Variants in CCN5 observed in about 807,000 individuals in gnomAD.
CCN5 encodes CCN family member 5.
CCN5 carries 17 observed loss-of-function variants against 18.7 expected under a neutral mutation model. The observed-to-expected ratio is 0.91, with a 90% confidence interval of 0.62 to 1.36. The LOEUF is 1.36. CCN5 is among the 40% of genes most tolerant of loss of function. The probability of loss-of-function intolerance (pLI) is 0.00; values close to 1 mark genes in which losing one functional copy is unlikely to be tolerated. For missense variants in CCN5, 367 were observed against 342.9 expected (o/e 1.07, Z -0.56); for synonymous variants, 135 against 145.2 (o/e 0.93, Z 0.50).
chr20:44,727,405 T>C lies in CCN5; in HGVS notation c.*98T>C. The C allele has an allele frequency of 1.4e-6, 2 of 1,454,232 alleles. No individual in the cohort carries two copies. Among genetic ancestry groups the C allele is most frequent in the Non-Finnish European group, 1.8e-6 (2 of 1,098,854 alleles). The allele number at this position is 1,454,232 out of a possible 1,614,324, so 90.1% of individuals were successfully genotyped here. ...TGGAAGATGGTCCGTGCCCAGGCCC[T>C]TGGCTGCAGGCAACACTTTAGCTTG... On this transcript the variant is annotated 3_prime_UTR_variant, in exon 4 of 4. Coordinates refer to ENST00000190983, the MANE Select transcript of CCN5 (RefSeq NM_003881.4).
At position 44,727,200 on chromosome 20, in the gene CCN5, G is replaced by A; in HGVS notation, c.646G>A (p.Val216Met). 1.2e-6 allele frequency: 2 copies of A among 1,613,834 alleles called. No homozygotes were observed. Among genetic ancestry groups the A allele is most frequent in the Non-Finnish European group, 8.5e-7 (1 of 1,180,026 alleles). The change falls in exon 4 of 4, where the codon GTG (valine) becomes ATG (methionine). Residue 216 changes from valine (V) to methionine (M), a missense_variant. By Grantham distance (21) the Val-to-Met change is conservative. Transcript: ENST00000190983. ...TTCGLGMATR[V>M]SNQNRFCRLE... ...CTGTGGGCTGGGCATGGCCACCCGG[G>A]TGTCCAACCAGAACCGCTTCTGCCG...
chr20:44,723,107 T>A (rs963300093), intron 2 of CCN5, among the ~76,000 whole-genome samples: 2 of 152,038 alleles, frequency 1.3e-5, no homozygotes, highest in Non-Finnish European at 2.9e-5. Context: ...CTCTCTGACC[T>A]CCTCTCCTCC....
intron 3 of CCN5, 127 bp downstream of exon 3, chr20:44,725,119 C>A: frequency 5.4e-6 from 7 of 1,285,114 alleles, no homozygotes; most frequent in Non-Finnish European, 7.1e-6. Flanking sequence ...CTGGGAGGGG[C>A]GGAGGCTGAG....
At chr20:44,720,152 GC>G (rs1367999196) in intron 2 of CCN5, 39 bp downstream of exon 2, 1 of 1,531,952 alleles carries the variant, frequency 6.5e-7, no homozygotes, top group East Asian at 2.4e-5. Context: ...GCGGGTGTGA[GC>G]GGGAGGTCAA....
intron 3 of CCN5, among the ~76,000 whole-genome samples, chr20:44,726,405 A>ATTGG (rs1431251154): frequency 2.0e-5 from 3 of 152,158 alleles, no homozygotes; most frequent in African/African-American, 7.2e-5. Flanking sequence ...GGGTTTCTCA[A>ATTGG]CGTCAGCACT....
At chr20:44,724,566 C>A in intron 2 of CCN5, 172 bp from the exon 3 acceptor site, 3 of 986,978 alleles carry the variant, frequency 3.0e-6, no homozygotes, top group Non-Finnish European at 4.3e-6. Context: ...ATCCAGGGTG[C>A]CCCAGCAGGC....
intron 1 of CCN5, among the ~76,000 whole-genome samples, chr20:44,718,505 G>A (rs1032892971): frequency 6.6e-6 from 1 of 152,102 alleles, no homozygotes; most frequent in Non-Finnish European, 1.5e-5. Flanking sequence ...CTTCCTTCTT[G>A]GTCCCCACCT....
chr20:44,720,192 C>G, intron 2 of CCN5, 79 bp downstream of exon 2: 1 of 1,424,300 alleles, frequency 7.0e-7, no homozygotes, highest in South Asian at 1.2e-5. Context: ...CAAAGTGCAG[C>G]CCTCCTCTCT....
In CCN5 at chr20:44,724,900, A is replaced by C. The variant is rs778144747; in HGVS notation, c.440A>C (p.His147Pro). The C allele has an allele frequency of 1.3e-6, 2 of 1,593,570 alleles. No homozygotes were observed. Among genetic ancestry groups the C allele is most frequent in the East Asian group, 2.3e-5 (1 of 44,232 alleles). Residue 147 changes from histidine (H) to proline (P), a missense_variant, in exon 3 of 4, where the codon CAC (histidine) becomes CCC (proline). By Grantham distance (77) the His-to-Pro change is moderately conservative (BLOSUM62 -2). Transcript: ENST00000190983. ...CGGCTGCCCAGCTGGGACTGCCCCCACCCCAGGAGGGTCGAGGTCCTGGGC... is the reference window on the plus strand; with the variant it reads ...CGGCTGCCCAGCTGGGACTGCCCCCCCCCCAGGAGGGTCGAGGTCCTGGGC... ...DVRLPSWDCPHPRRVEVLGKC... is the reference protein window; with the variant it reads ...DVRLPSWDCPPPRRVEVLGKC...
At chr20:44,715,554 G>T in intron 1 of CCN5, 104 bp downstream of exon 1, 8 of 1,293,492 alleles carry the variant, frequency 6.2e-6, no homozygotes, top group Non-Finnish European at 8.6e-6. Context: ...ATTCCTCCAG[G>T]GCCCCACATT....
intron 3 of CCN5, among the ~76,000 whole-genome samples, chr20:44,725,224 G>A (rs774167588): frequency 8.6e-5 from 13 of 151,926 alleles, no homozygotes; most frequent in Non-Finnish European, 1.8e-4. Context: ...GATCACCTGA[G>A]GTTAGGAATT....
At chr20:44,723,043 G>C (rs1485489695) in intron 2 of CCN5, among the ~76,000 whole-genome samples, 1 of 152,062 alleles carries the variant, frequency 6.6e-6, no homozygotes, top group Non-Finnish European at 1.5e-5. Flanking sequence ...CAGAGGAAAA[G>C]CCAAAGTCCC....
Position 44,724,794 on chromosome 20 carries a change from A to G in CCN5, c.334A>G (p.Thr112Ala). 6.2e-7 allele frequency: 1 copy of G among 1,612,364 alleles called. No individual in the cohort carries two copies. Among genetic ancestry groups the G allele is most frequent in the Non-Finnish European group, 8.5e-7 (1 of 1,179,806 alleles). ...CGGCCGCCTGTATCGGGAAGGGGAG[A>G]CCTTCCAGCCCCACTGCAGCATCCG... Reference protein sequence around the residue: ...VNGRLYREGETFQPHCSIRCR... With the variant: ...VNGRLYREGEAFQPHCSIRCR... The change falls in exon 3 of 4, where the codon ACC becomes GCC. Residue 112 changes from threonine to alanine, a missense_variant. By Grantham distance (58) the Thr-to-Ala change is moderately conservative. Transcript: ENST00000190983.
intron 1 of CCN5, among the ~76,000 whole-genome samples, chr20:44,716,161 G>T (rs1030587695): frequency 1.3e-5 from 2 of 152,210 alleles, no homozygotes; most frequent in African/African-American, 4.8e-5. Flanking sequence ...AAGCCACACA[G>T]CAAAGAAAGG....
chr20:44,719,840 A>AG, intron 1 of CCN5, 57 bp from the exon 2 acceptor site: 1 of 1,545,518 alleles, frequency 6.5e-7, no homozygotes, highest in Non-Finnish European at 8.8e-7. Flanking sequence ...GCTGGTTGTG[A>AG]GGGTCTCACT....
Position 44,727,127 on chromosome 20 carries a change from T to C in CCN5, c.573T>C (p.Gly191=), listed in dbSNP as rs1600998461. The change falls in exon 4 of 4, where the codon GGT becomes GGC. Residue 191 remains glycine, a synonymous_variant. Coordinates refer to ENST00000190983, the MANE Select transcript of CCN5 (RefSeq NM_003881.4). ...FSGLVSSLPP[G]VPCPEWSTAW... The stretch of plus-strand genomic sequence containing the variant: ...GCCTTGTCTCTTCCCTGCCCCCTGG[T>C]GTCCCCTGCCCAGAATGGAGCACGG... 6.2e-7 allele frequency: 1 copy of C among 1,608,090 alleles called. No homozygotes were observed. The highest frequency in any genetic ancestry group is 8.5e-7 in the Non-Finnish European group (1 of 1,176,442).
At position 44,720,083 on chromosome 20, in the gene CCN5, G is replaced by A. The variant is rs761025498; in HGVS notation, c.247G>A (p.Gly83Arg). The A allele has an allele frequency of 4.5e-6, 7 of 1,567,026 alleles. No homozygotes were observed. Among genetic ancestry groups the A allele is most frequent in the Non-Finnish European group, 6.0e-6 (7 of 1,162,592 alleles). ...SQGLVCQPGA[G>R]PGGRGALCLL... ...GGGCCTGGTCTGCCAGCCCGGGGCA[G>A]GACCCGGTGGCCGGGGGGCCCTGTG... The change falls in exon 2 of 4, where the codon GGA becomes AGA. Residue 83 changes from glycine (G) to arginine (R), a missense_variant. Physicochemically the swap from Gly to Arg is moderately radical, Grantham distance 125 (BLOSUM62 -2). Coordinates refer to ENST00000190983, the MANE Select transcript of CCN5 (RefSeq NM_003881.4).
upstream of CCN5, chr20:44,715,262 AGC>A: frequency 3.0e-6 from 1 of 330,844 alleles, no homozygotes; most frequent in African/African-American, 3.3e-5. Context: ...TGTGTGTGTG[AGC>A]GCGCGCGCGC....
intron 1 of CCN5, among the ~76,000 whole-genome samples, chr20:44,715,909 G>A (rs1182993477): frequency 1.3e-5 from 2 of 152,224 alleles, no homozygotes; most frequent in East Asian, 3.8e-4. Context: ...TGGACTCTTA[G>A]GCAGTGAGTG....
Sources: allele counts gnomAD v4.1 joint callset (sites outside exome capture counted in the v4.1 genomes callset), GRCh38; gene constraint gnomAD v4.1.1; transcripts MANE v1.5; gene names NCBI Gene and HGNC (gene_info 2026-07-23, HGNC 2026-07-21).